The following C10orf67 variants were observed in gnomAD, a reference collection of about 807,000 sequenced individuals.
C10orf67 encodes uncharacterized protein C10orf67, mitochondrial.
C10orf67 carries 60 observed loss-of-function variants against 35.6 expected under a neutral mutation model. The observed-to-expected ratio is 1.68, with a 90% CI of 1.37 to 2.09. C10orf67 has a LOEUF of 2.09. C10orf67 is among the 30% of genes most tolerant of loss of function. C10orf67 has a pLI of 0.00. For missense variants in C10orf67, 474 were observed against 330.2 expected (o/e 1.44, Z -3.38); for synonymous variants, 167 against 115.8 (o/e 1.44, Z -2.84).
rs4382803 is a variant in C10orf67, at chr10:23,267,181, A to G, written c.1035+14T>C. ...TAAAAGAGAAAGAGAGAGAGAAAAA[A>G]CTTAAATACAAACCTTTACACTTAA... On this transcript the variant is annotated intron_variant, in intron 9 of 15. Coordinates refer to ENST00000636213, the MANE Select transcript of C10orf67 (RefSeq NM_001371909.1). 75,137 of 706,342 alleles carry G rather than the reference A, an allele frequency of 0.11. 10,477 individuals are homozygous for G. The highest frequency in any genetic ancestry group is 0.62 in the East Asian group (23,110 of 37,152). The allele number at this position is 706,342 out of a possible 1,614,324, so 43.8% of individuals were successfully genotyped here.
At chr10:23,255,546 CTTGTGTTCA>C (rs2132168835) in intron 10 of C10orf67, among the ~76,000 whole-genome samples, 2 of 152,188 alleles carry the variant, frequency 1.3e-5, no homozygotes, top group African/African-American at 4.8e-5. Flanking sequence ...CATCCTAGAC[CTTGTGTTCA>C]TGTGTTCATG....
At chr10:23,202,300 C>T (rs77374477), downstream of C10orf67, 507 of 152,344 alleles carry the variant, frequency 3.3e-3, 3 homozygotes, top group African/African-American at 0.012. Flanking sequence ...AAAGCGCTGC[C>T]AGTTGCCAGC....
At chr10:23,212,808 AGAGAGAGAG>A in intron 15 of C10orf67, among the ~76,000 whole-genome samples, 1 of 151,824 alleles carries the variant, frequency 6.6e-6, no homozygotes, top group African/African-American at 2.4e-5. Context: ...AGAGAGAGAG[AGAGAGAGAG>A]AGAGAGACGT....
chr10:23,216,264 G>A (rs1331304249), intron 15 of C10orf67, among the ~76,000 whole-genome samples: 1 of 151,968 alleles, frequency 6.6e-6, no homozygotes, highest in African/African-American at 2.4e-5. Context: ...AACATATAAA[G>A]AATTATTCTT....
chr10:23,283,782 A>C (rs1307707495), intron 7 of C10orf67, among the ~76,000 whole-genome samples: 1 of 150,996 alleles, frequency 6.6e-6, no homozygotes, highest in African/African-American at 2.4e-5. Context: ...CCTTTCTCCA[A>C]CCTTCCCTGA....
chr10:23,267,833 AGAGGTTGCAGT>A (rs1332628344), intron 8 of C10orf67, among the ~76,000 whole-genome samples: 2 of 152,048 alleles, frequency 1.3e-5, no homozygotes, highest in Non-Finnish European at 2.9e-5. Context: ...CCCAGGAGGC[AGAGGTTGCAGT>A]GAGCCAAGAT....
At chr10:23,315,283 T>C (rs1210370203) in intron 4 of C10orf67, among the ~76,000 whole-genome samples, 1 of 152,254 alleles carries the variant, frequency 6.6e-6, no homozygotes, top group African/African-American at 2.4e-5. Context: ...TTTCATAGCT[T>C]TCTACTCCTA....
Position 23,320,717 on chromosome 10 carries a change from A to G in C10orf67, c.546+24T>C, listed in dbSNP as rs1346241913. On this transcript the variant is annotated intron_variant, in intron 4 of 15. Transcript: ENST00000636213. ...GCTGAAGCTAGCCTTGCCCACAACT[A>G]CGGCACCAGAAACAGAAACTCACCT... 6 of 1,557,292 alleles carry G rather than the reference A, an allele frequency of 3.9e-6. No individual in the cohort carries two copies. In the Admixed American group the frequency reaches 9.3e-5, roughly 24 times the overall value.
chr10:23,275,356 G>T (rs929205145), intron 8 of C10orf67, among the ~76,000 whole-genome samples: 1 of 152,118 alleles, frequency 6.6e-6, no homozygotes, highest in African/African-American at 2.4e-5. Flanking sequence ...AGGGTTTGAG[G>T]TTCTGTGAAT....
Position 23,257,665 on chromosome 10 carries a change from T to TA in C10orf67, c.1201-6975dup, listed in dbSNP as rs541146889. ...AAAAAATACAAAAGTTAGCTGGGCA[T>TA]AGTGGCATGTGCCTGTAGTCTCAGC... is the stretch of plus-strand genomic sequence containing the variant. On this transcript the variant is annotated intron_variant, in intron 10 of 15. Transcript: ENST00000636213. 1.9e-3 allele frequency among the ~76,000 whole-genome samples: 284 copies of TA among 152,286 alleles called. 3 individuals carry two copies. The highest frequency in any genetic ancestry group is 6.5e-3 in the African/African-American group (269 of 41,570).
chr10:23,326,264 T>A (rs1845189110), intron 2 of C10orf67, among the ~76,000 whole-genome samples: 1 of 152,012 alleles, frequency 6.6e-6, no homozygotes, highest in South Asian at 2.1e-4. Context: ...AACCAAAGAT[T>A]AAAAGAAAAT....
chr10:23,338,212 A>T (rs1282385000), intron 1 of C10orf67, among the ~76,000 whole-genome samples: 1 of 152,188 alleles, frequency 6.6e-6, no homozygotes, highest in Non-Finnish European at 1.5e-5. Flanking sequence ...CTCTGTGGAT[A>T]TCGTTCAGTT....
intron 13 of C10orf67, among the ~76,000 whole-genome samples, chr10:23,235,330 T>C (rs1176895981): frequency 1.3e-5 from 2 of 152,130 alleles, no homozygotes; most frequent in African/African-American, 4.8e-5. Flanking sequence ...CTAAGTTGTC[T>C]TCATTAAAAT....
chr10:23,330,444 C>G (rs1845403065), intron 2 of C10orf67, among the ~76,000 whole-genome samples: 1 of 151,804 alleles, frequency 6.6e-6, no homozygotes, highest in South Asian at 2.1e-4. Flanking sequence ...GTCTACGTGA[C>G]AGAGTGAGAC....
chr10:23,333,266 T>C, intron 1 of C10orf67, 84 bp from the exon 2 acceptor site: 4 of 1,305,394 alleles, frequency 3.1e-6, no homozygotes, highest in Non-Finnish European at 4.3e-6. Flanking sequence ...TTTGTGTAAA[T>C]CATATCGTAT....
chr10:23,320,580 A>G (rs1257968023), intron 4 of C10orf67, among the ~76,000 whole-genome samples, 161 bp downstream of exon 4: 1 of 152,178 alleles, frequency 6.6e-6, no homozygotes, highest in Non-Finnish European at 1.5e-5. Flanking sequence ...GTGAGCATAA[A>G]CAGTCCTAGG....
downstream of C10orf67, chr10:23,201,939 C>T (rs1319508334): frequency 6.6e-6 from 1 of 152,204 alleles, no homozygotes; most frequent in African/African-American, 2.4e-5. Flanking sequence ...TCACAGTTTT[C>T]TCTATATCTG....
rs527396647 is a variant in C10orf67, at chr10:23,219,359, A to T, written c.1570+4239T>A. 1.2e-4 allele frequency among the ~76,000 whole-genome samples: 18 copies of T among 152,318 alleles called. No homozygotes were observed. The South Asian group carries it at 3.7e-3, about 32-fold the overall frequency. On this transcript the variant is annotated intron_variant, in intron 15 of 15. Transcript: ENST00000636213. ...TGTAAGATTCGTGTCTTTTGGGCTC[A>T]TTAAGAACATTTCCAAAGATTACAA...
intron 13 of C10orf67, among the ~76,000 whole-genome samples, chr10:23,231,719 A>T (rs1321854366): frequency 1.3e-5 from 2 of 152,242 alleles, no homozygotes; most frequent in Admixed American, 1.3e-4. Context: ...GAGAGCAATA[A>T]TACTCATAAT....
Sources: allele counts gnomAD v4.1 joint callset (sites outside exome capture counted in the v4.1 genomes callset), GRCh38; gene constraint gnomAD v4.1.1; transcripts MANE v1.5; gene names NCBI Gene and HGNC (gene_info 2026-07-23, HGNC 2026-07-21).